The following SEMA3A variants were observed in gnomAD, a reference collection of about 807,000 sequenced individuals.
The protein encoded by SEMA3A is semaphorin 3A.
A neutral mutation model predicts 97.9 loss-of-function variants in SEMA3A; 29 were observed. The ratio of observed to expected loss-of-function variants is 0.30; its 90% CI spans 0.22 to 0.40. The LOEUF (loss-of-function observed/expected upper bound fraction) is 0.40, where lower values mean the gene tolerates loss of function less well. Ranked by LOEUF, SEMA3A falls within the 10% of genes least tolerant of loss-of-function variation. The pLI is 1.00. For synonymous variants in SEMA3A, 321 were observed against 323.7 expected (o/e 0.99, Z 0.09); for missense variants, 763 against 951.3 (o/e 0.80, Z 2.60).
chr7:84,288,698 AAAAAC>A (rs1378012923), intron 3 of SEMA3A, among the ~76,000 whole-genome samples: 1 of 152,162 alleles, frequency 6.6e-6, no homozygotes, highest in African/African-American at 2.4e-5. Flanking sequence ...ACTCCATCAA[AAAAAC>A]AAAACAAAAC....
intron 3 of SEMA3A, among the ~76,000 whole-genome samples, chr7:84,255,967 C>G (rs1488439352): frequency 1.3e-5 from 2 of 151,886 alleles, no homozygotes; most frequent in Non-Finnish European, 2.9e-5. Context: ...TCCCCAAGCA[C>G]AAGAATAAAA....
At chr7:84,280,681 G>A (rs920337524) in intron 3 of SEMA3A, among the ~76,000 whole-genome samples, 14 of 152,142 alleles carry the variant, frequency 9.2e-5, no homozygotes, top group Admixed American at 2.6e-4. Context: ...GTACAGGGGA[G>A]GCTGAGGCAG....
chr7:84,058,267 G>A (rs1793072866), intron 5 of SEMA3A, among the ~76,000 whole-genome samples: 3 of 152,054 alleles, frequency 2.0e-5, no homozygotes. Flanking sequence ...GGGAACATAG[G>A]TTTTCCCAAT....
intron 3 of SEMA3A, among the ~76,000 whole-genome samples, chr7:84,234,070 A>C (rs17158766): frequency 2.0e-5 from 3 of 152,000 alleles, no homozygotes; most frequent in Non-Finnish European, 2.9e-5. Context: ...AATACAATAA[A>C]AGATGTCAAT....
At chr7:84,064,785 C>T (rs1163998409) in intron 4 of SEMA3A, among the ~76,000 whole-genome samples, 1 of 150,614 alleles carries the variant, frequency 6.6e-6, no homozygotes, top group Non-Finnish European at 1.5e-5. Flanking sequence ...CCTGAGTGAC[C>T]TACAAAGAGA....
intron 2 of SEMA3A, among the ~76,000 whole-genome samples, chr7:84,370,787 AG>A (rs1211552019): frequency 1.3e-5 from 2 of 151,666 alleles, no homozygotes; most frequent in Admixed American, 6.6e-5. Flanking sequence ...GACAAAAATA[AG>A]GAGACATACA....
At chr7:84,442,421 A>C (rs1049373956) in intron 1 of SEMA3A, among the ~76,000 whole-genome samples, 2 of 152,114 alleles carry the variant, frequency 1.3e-5, no homozygotes, top group Non-Finnish European at 2.9e-5. Context: ...TAATTTTATA[A>C]GATTAAAGAT....
intron 1 of SEMA3A, among the ~76,000 whole-genome samples, chr7:84,474,835 T>C (rs1806238789): frequency 6.6e-6 from 1 of 152,048 alleles, no homozygotes; most frequent in Non-Finnish European, 1.5e-5. Flanking sequence ...CCAGTAGGAA[T>C]AAATGTTTAT....
intron 1 of SEMA3A, among the ~76,000 whole-genome samples, chr7:84,165,197 T>C (rs1309432871): frequency 6.6e-6 from 1 of 150,970 alleles, no homozygotes; most frequent in Non-Finnish European, 1.5e-5. Flanking sequence ...TCAGAGTGAG[T>C]CCTCGTCTCA....
At chr7:84,062,473 G>C (rs1238673977) in intron 4 of SEMA3A, among the ~76,000 whole-genome samples, 1 of 152,218 alleles carries the variant, frequency 6.6e-6, no homozygotes, top group Non-Finnish European at 1.5e-5. Flanking sequence ...GAGCGACGCA[G>C]AAGATGGTGA....
At chr7:84,246,867 C>T (rs1369951975) in intron 3 of SEMA3A, among the ~76,000 whole-genome samples, 1 of 151,674 alleles carries the variant, frequency 6.6e-6, no homozygotes. Flanking sequence ...TTTCACAGAG[C>T]TATTTATAGT....
chr7:84,330,601 A>G (rs1342987951), intron 2 of SEMA3A, among the ~76,000 whole-genome samples: 1 of 151,862 alleles, frequency 6.6e-6, no homozygotes, highest in African/African-American at 2.4e-5. Context: ...TACCTAGTTT[A>G]TTTTTCCTTT....
In SEMA3A at chr7:84,430,698, T is replaced by C. The variant is rs998873800; in HGVS notation, c.-245-58798A>G. Among the ~76,000 whole-genome samples, 8 of 151,970 alleles carry C rather than the reference T, an allele frequency of 5.3e-5. No individual in the cohort carries two copies. The East Asian group carries it at 1.5e-3, about 29-fold the overall frequency. Reference sequence around the variant, plus strand: ...ATGAATATTTGGGAAACAGGTTGGCTGAGAGAGCCAGGCATATAATATAAG... The same window carrying C: ...ATGAATATTTGGGAAACAGGTTGGCCGAGAGAGCCAGGCATATAATATAAG... On this transcript the variant is annotated intron_variant, in intron 1 of 3. Transcript: ENST00000424555.
intron 6 of SEMA3A, among the ~76,000 whole-genome samples, chr7:84,035,245 TAGAA>T (rs1344701794): frequency 2.6e-5 from 4 of 151,958 alleles, no homozygotes; most frequent in Non-Finnish European, 4.4e-5. Context: ...TTTATGTAAA[TAGAA>T]AGGCAATTTA....
chr7:84,391,111 A>G (rs1183427442), intron 1 of SEMA3A, among the ~76,000 whole-genome samples: 2 of 152,192 alleles, frequency 1.3e-5, no homozygotes, highest in African/African-American at 4.8e-5. Flanking sequence ...AAATGCTGGC[A>G]TGGAAACATC....
chr7:83,963,836 CT>C (rs1449714264), intron 15 of SEMA3A, among the ~76,000 whole-genome samples: 7 of 152,206 alleles, frequency 4.6e-5, no homozygotes, highest in Non-Finnish European at 5.9e-5. Context: ...AATTTGCCAA[CT>C]AATATTTATC....
At chr7:84,177,212 G>A (rs142298026) in intron 1 of SEMA3A, among the ~76,000 whole-genome samples, 4 of 152,056 alleles carry the variant, frequency 2.6e-5, no homozygotes, top group Non-Finnish European at 5.9e-5. Flanking sequence ...AAAAGATACA[G>A]CATTTACTGT....
intron 1 of SEMA3A, among the ~76,000 whole-genome samples, chr7:84,167,287 A>G (rs1203041743): frequency 6.6e-6 from 1 of 152,152 alleles, no homozygotes; most frequent in African/African-American, 2.4e-5. Flanking sequence ...CTTACAATAT[A>G]TCACAGCCAC....
At chr7:84,318,544 G>T (rs1031304757) in intron 2 of SEMA3A, among the ~76,000 whole-genome samples, 11 of 151,768 alleles carry the variant, frequency 7.2e-5, no homozygotes, top group African/African-American at 2.7e-4. Flanking sequence ...GGATGGTCTC[G>T]ATCTCCTGAC....
Sources: gnomAD v4.1 joint callset for allele counts (sites outside exome capture counted in the v4.1 genomes callset) on GRCh38, gnomAD v4.1.1 for gene constraint, MANE v1.5 for transcripts, NCBI Gene and HGNC (gene_info 2026-07-23, HGNC 2026-07-21) for gene names.